The following NKAIN2 variants were observed in gnomAD, a reference collection of about 807,000 sequenced individuals.
The protein encoded by NKAIN2 is sodium/potassium transporting ATPase interacting 2.
Under a neutral mutation model 32.6 loss-of-function variants are expected in NKAIN2, and 14 were observed. The ratio of observed to expected loss-of-function variants is 0.43; its 90% CI spans 0.28 to 0.67. The LOEUF is 0.67. NKAIN2 is among the 30% of genes least tolerant of loss of function. NKAIN2 has a pLI of 0.17. For missense variants in NKAIN2, 198 were observed against 258.3 expected (o/e 0.77, Z 1.60); for synonymous variants, 80 against 87.2 (o/e 0.92, Z 0.46).
rs533028222 is a variant in NKAIN2 at position 124,745,229 on chromosome 6, T to C, written c.475-46110T>C. Among the ~76,000 whole-genome samples the C allele has an allele frequency of 3.9e-5, 6 of 151,948 alleles. No homozygotes were observed. The South Asian group carries it at 1.0e-3, about 26-fold the overall frequency. On this transcript the variant is annotated intron_variant, in intron 4 of 6. Coordinates refer to ENST00000368417, the MANE Select transcript of NKAIN2 (RefSeq NM_001040214.3). ...GAAAATGGATGACAGAATATATAAA[T>C]ATTCTAACATATTTGAAGTTAAAGA...
intron 1 of NKAIN2, among the ~76,000 whole-genome samples, chr6:123,891,073 A>G (rs373819928): frequency 7.9e-5 from 12 of 152,262 alleles, no homozygotes; most frequent in East Asian, 1.9e-4. Flanking sequence ...ACATTTGCCA[A>G]GTGAAAAAAA....
At chr6:124,300,065 TGAGA>T (rs1312036392) in intron 2 of NKAIN2, among the ~76,000 whole-genome samples, 1 of 152,108 alleles carries the variant, frequency 6.6e-6, no homozygotes, top group Admixed American at 6.5e-5. Context: ...GCAGGATGGT[TGAGA>T]GAGAGAATAT....
chr6:124,022,853 A>G (rs1056634568), intron 1 of NKAIN2, among the ~76,000 whole-genome samples: 2 of 151,964 alleles, frequency 1.3e-5, no homozygotes, highest in African/African-American at 4.8e-5. Context: ...CCTGGGAGCA[A>G]TGGGGAGGCT....
chr6:124,135,346 T>A (rs1426382102), intron 1 of NKAIN2, among the ~76,000 whole-genome samples: 3 of 151,304 alleles, frequency 2.0e-5, no homozygotes, highest in Non-Finnish European at 4.4e-5. Context: ...ATGGAAAAAA[T>A]TCCACCAACC....
chr6:124,176,963 A>G (rs1329841424), intron 1 of NKAIN2, among the ~76,000 whole-genome samples: 1 of 152,074 alleles, frequency 6.6e-6, no homozygotes, highest in East Asian at 1.9e-4. Context: ...TTTTTTAAAA[A>G]TGCCTTTCCA....
rs1781506323 is a variant in NKAIN2, at chr6:124,824,277, C to T, written c.*1048C>T. The T allele has an allele frequency of 6.6e-6, 1 of 152,394 alleles. No homozygotes were observed. The highest frequency in any genetic ancestry group is 2.1e-4 in the South Asian group (1 of 4,824). The allele number at this position is 152,394 out of a possible 1,614,324, so 9.4% of individuals were successfully genotyped here. On this transcript the variant is annotated 3_prime_UTR_variant, in exon 7 of 7. Transcript: ENST00000368417. ...ACTGAATATGTATTAGCTATGTTTA[C>T]TCTTTTATATCTAATTCAAATTGAA...
chr6:123,945,309 T>A (rs578118398), intron 1 of NKAIN2, among the ~76,000 whole-genome samples: 56 of 152,128 alleles, frequency 3.7e-4, no homozygotes, highest in Non-Finnish European at 7.1e-4. Context: ...TGAAGAAATG[T>A]CTAATATTCT....
intron 3 of NKAIN2, among the ~76,000 whole-genome samples, chr6:124,447,021 G>A (rs1775921410): frequency 6.6e-6 from 1 of 152,068 alleles, no homozygotes; most frequent in South Asian, 2.1e-4. Flanking sequence ...TAGTGCCAAG[G>A]TTGAGATACC....
chr6:123,883,902 A>AAAAC, intron 1 of NKAIN2, among the ~76,000 whole-genome samples: 1 of 150,096 alleles, frequency 6.7e-6, no homozygotes. Flanking sequence ...CTCAAAAAAA[A>AAAAC]AAAAAAAAAA....
intron 1 of NKAIN2, among the ~76,000 whole-genome samples, chr6:123,961,652 G>A (rs529158032): frequency 7.9e-5 from 12 of 152,226 alleles, no homozygotes; most frequent in African/African-American, 2.6e-4. Context: ...GGCTTGAACC[G>A]AAAATGACCA....
intron 1 of NKAIN2, among the ~76,000 whole-genome samples, chr6:123,821,272 G>A (rs1489310576): frequency 6.6e-6 from 1 of 152,138 alleles, no homozygotes; most frequent in Non-Finnish European, 1.5e-5. Flanking sequence ...TAATGAAAAT[G>A]GCTCCTTCAT....
chr6:124,173,406 C>G (rs1788992951), intron 1 of NKAIN2, among the ~76,000 whole-genome samples: 1 of 152,054 alleles, frequency 6.6e-6, no homozygotes, highest in Non-Finnish European at 1.5e-5. Flanking sequence ...ATTCTAATTT[C>G]AGTAATGAAG....
intron 4 of NKAIN2, among the ~76,000 whole-genome samples, chr6:124,735,114 T>A (rs1167055765): frequency 6.6e-6 from 1 of 151,940 alleles, no homozygotes; most frequent in African/African-American, 2.4e-5. Context: ...CATTAAAATC[T>A]GAATTCCCTT....
chr6:124,777,727 G>C (rs1376724105), intron 4 of NKAIN2, among the ~76,000 whole-genome samples: 3 of 152,004 alleles, frequency 2.0e-5, no homozygotes, highest in Admixed American at 6.6e-5. Context: ...GGATTTAGAA[G>C]GAATCATACT....
chr6:124,227,415 G>A (rs922798458), intron 1 of NKAIN2, among the ~76,000 whole-genome samples: 3 of 152,142 alleles, frequency 2.0e-5, no homozygotes, highest in South Asian at 4.1e-4. Flanking sequence ...ACACTCACGC[G>A]TAATTCTCTA....
intron 1 of NKAIN2, among the ~76,000 whole-genome samples, chr6:123,841,031 A>G (rs1774846020): frequency 6.6e-6 from 1 of 152,136 alleles, no homozygotes; most frequent in South Asian, 2.1e-4. Flanking sequence ...TGTTTTTTAA[A>G]TGCAATGTAG....
At chr6:124,756,639 A>G (rs1216881961) in intron 4 of NKAIN2, among the ~76,000 whole-genome samples, 1 of 76,614 alleles carries the variant, frequency 1.3e-5, no homozygotes, top group East Asian at 4.3e-4. Context: ...ATATAAATAA[A>G]CAAATGCAAT....
chr6:124,302,325 A>G (rs1796322668), intron 2 of NKAIN2, among the ~76,000 whole-genome samples: 1 of 152,218 alleles, frequency 6.6e-6, no homozygotes, highest in Non-Finnish European at 1.5e-5. Flanking sequence ...GTGAGAACAG[A>G]CTAATAGAGT....
Position 124,482,569 on chromosome 6 carries a change from T to G in NKAIN2, c.273+127222T>G, listed in dbSNP as rs1419899749. 2.0e-5 allele frequency among the ~76,000 whole-genome samples: 3 copies of G among 152,220 alleles called. No individual in the cohort carries two copies. In the East Asian group the frequency reaches 5.8e-4, roughly 29 times the overall value. On this transcript the variant is annotated intron_variant, in intron 3 of 6. Coordinates refer to ENST00000368417, the MANE Select transcript of NKAIN2 (RefSeq NM_001040214.3). The stretch of plus-strand genomic sequence containing the variant: ...AATCCTTAAGAGAACATTCTTTCTT[T>G]AATTCTGTATTTAAGCAAAAACTAA...
Sources: gnomAD v4.1 joint callset for allele counts (sites outside exome capture counted in the v4.1 genomes callset) on GRCh38, gnomAD v4.1.1 for gene constraint, MANE v1.5 for transcripts, NCBI Gene and HGNC (gene_info 2026-07-23, HGNC 2026-07-21) for gene names.